Variants in ANKRD18B observed in about 807,000 individuals in gnomAD.
ANKRD18B encodes the protein ankyrin repeat domain 18B, also known as ankyrin repeat domain-containing protein 18B.
In ANKRD18B, 75 loss-of-function variants were observed where a neutral mutation model predicts 111.8. The observed-to-expected ratio is 0.67, with a 90% CI of 0.56 to 0.81. ANKRD18B has a LOEUF of 0.81. Among genes scored for constraint, ANKRD18B ranks in the 40% least tolerant of loss-of-function variants. The pLI is 0.00. For missense variants in ANKRD18B, 1,038 were observed against 1,225.5 expected, an observed-to-expected ratio of 0.85 and a Z score of 2.28; for synonymous variants, 356 against 417.3, an observed-to-expected ratio of 0.85 and a Z score of 1.79.
intron 1 of ANKRD18B, among the ~76,000 whole-genome samples, chr9:33,525,410 G>T (rs1390779370): frequency 6.6e-6 from 1 of 152,140 alleles, no homozygotes; most frequent in Non-Finnish European, 1.5e-5. Context: ...TATACATAGG[G>T]ATTGATAATG....
rs1308776259 is a variant in ANKRD18B at position 33,528,758 on chromosome 9, C to T, written c.238C>T (p.Arg80Cys). The change falls in exon 2 of 19, where the codon CGT (arginine) becomes TGT (cysteine). Residue 80 changes from arginine (R) to cysteine (C), a missense_variant. Physicochemically the swap from Arg to Cys is radical, Grantham distance 180. Coordinates refer to ENST00000684830, the MANE Select transcript of ANKRD18B (RefSeq NM_001393611.1). The part of the protein sequence containing the change: ...TVLHLACAHG[R>C]VQVVTLLLDR... ...TCTACATTTGGCCTGTGCCCATGGC[C>T]GTGTGCAAGTGGTCACTCTCTTGCT... 3 of 1,613,038 alleles carry T rather than the reference C, an allele frequency of 1.9e-6. No homozygotes were observed. The highest frequency in any genetic ancestry group is 1.3e-5 in the African/African-American group (1 of 74,894).
chr9:33,535,479 G>T (rs1340596124), intron 5 of ANKRD18B, among the ~76,000 whole-genome samples: 1 of 151,640 alleles, frequency 6.6e-6, no homozygotes, highest in African/African-American at 2.4e-5. Flanking sequence ...AGTAGAGACG[G>T]GGTTTCACCA....
At chr9:33,566,150 G>A (rs1828679346) in intron 14 of ANKRD18B, 69 bp from the exon 15 acceptor site, 4 of 1,343,972 alleles carry the variant, frequency 3.0e-6, no homozygotes, top group Non-Finnish European at 4.1e-6. Flanking sequence ...TTCAAAATTT[G>A]CTATTGGTTT....
intron 4 of ANKRD18B, among the ~76,000 whole-genome samples, chr9:33,534,126 G>A (rs112862518): frequency 1.5e-3 from 222 of 152,152 alleles, no homozygotes; most frequent in African/African-American, 5.1e-3. Flanking sequence ...TTAGCAATTC[G>A]TATTACATCA....
chr9:33,541,162 A>T lies in ANKRD18B; in HGVS notation c.1013A>T (p.Lys338Met). 6.5e-7 allele frequency: 1 copy of T among 1,544,268 alleles called. No individual in the cohort carries two copies. Residue 338 changes from lysine to methionine, a missense_variant, in exon 9 of 19, where the codon AAG (lysine) becomes ATG (methionine). Lys to Met is a moderately conservative substitution (Grantham distance 95). Around this residue, in one of 4 missense-constraint regions of ANKRD18B, gnomAD observed 93 missense variants for 141.3 expected, o/e 0.66. Coordinates refer to ENST00000684830, the MANE Select transcript of ANKRD18B (RefSeq NM_001393611.1). The stretch of plus-strand genomic sequence containing the variant: ...TGTTTGACAGAAACAGCAGCTATGA[A>T]GCCTGAAAATTTGAAAAAAAGAAAA... ...MRPCPETAAM[K>M]PENLKKRKKR...
intron 14 of ANKRD18B, among the ~76,000 whole-genome samples, chr9:33,564,326 C>A (rs1587276129): frequency 1.3e-5 from 2 of 152,292 alleles, no homozygotes; most frequent in East Asian, 3.9e-4. Context: ...CTGTGTCTGC[C>A]CTTAACATAA....
chr9:33,536,805 A>G (rs1828208139), intron 5 of ANKRD18B, 73 bp from the exon 6 acceptor site: 2 of 993,694 alleles, frequency 2.0e-6, no homozygotes, highest in Non-Finnish European at 2.8e-6. Context: ...ATGCTTTAAG[A>G]ATTTAATCTG....
At chr9:33,529,926 C>A (rs1294913805) in intron 3 of ANKRD18B, among the ~76,000 whole-genome samples, 1 of 152,150 alleles carries the variant, frequency 6.6e-6, no homozygotes, top group Non-Finnish European at 1.5e-5. Context: ...CAAAAACAGC[C>A]ACTTAGATAA....
intron 1 of ANKRD18B, among the ~76,000 whole-genome samples, chr9:33,527,262 T>C (rs1335930562): frequency 2.0e-5 from 3 of 152,206 alleles, no homozygotes; most frequent in Non-Finnish European, 4.4e-5. Flanking sequence ...AAATGAGCCA[T>C]ACCTATTCAT....
intron 17 of ANKRD18B, among the ~76,000 whole-genome samples, chr9:33,570,560 T>C (rs1165026670): frequency 6.6e-6 from 1 of 152,062 alleles, no homozygotes; most frequent in African/African-American, 2.4e-5. Context: ...GGATTAAACT[T>C]TTATAAAGGA....
downstream of ANKRD18B, among the ~76,000 whole-genome samples, chr9:33,573,909 G>C (rs146693312): frequency 0.029 from 4,238 of 145,096 alleles, 351 homozygotes; most frequent in African/African-American, 0.095. Context: ...AGCCTAGTCA[G>C]TGGGGACCTG....
At chr9:33,525,734 T>C (rs1380970843) in intron 1 of ANKRD18B, among the ~76,000 whole-genome samples, 1 of 150,690 alleles carries the variant, frequency 6.6e-6, no homozygotes, top group African/African-American at 2.4e-5. Flanking sequence ...TTGAAAAATA[T>C]TTACTATATA....
At position 33,568,707 on chromosome 9, in the gene ANKRD18B, C is replaced by A. The variant is rs535674618; in HGVS notation, c.2991C>A (p.Leu997=). Residue 997 remains leucine (L), a synonymous_variant, in exon 17 of 19, where the codon CTC becomes CTA. Coordinates refer to ENST00000684830, the MANE Select transcript of ANKRD18B (RefSeq NM_001393611.1). The stretch of plus-strand genomic sequence containing the variant: ...AAATAGCTGTGATCAGCACCAAGCT[C>A]TTTATGGAGAAAGAGCGGATGGAAT... The part of the protein sequence containing the change: ...DKKIAVISTK[L]FMEKERMEYF... 1.3e-6 allele frequency: 2 copies of A among 1,551,006 alleles called. No homozygotes were observed. The highest frequency in any genetic ancestry group is 1.7e-6 in the Non-Finnish European group (2 of 1,146,612).
chr9:33,541,446 T>TTGGAGC (rs1828278254), intron 9 of ANKRD18B, among the ~76,000 whole-genome samples: 1 of 152,182 alleles, frequency 6.6e-6, no homozygotes, highest in Non-Finnish European at 1.5e-5. Flanking sequence ...CTCCTGCCTG[T>TTGGAGC]AATGAGTCAG....
chr9:33,531,186 T>C (rs1828110034), intron 3 of ANKRD18B, among the ~76,000 whole-genome samples: 1 of 152,226 alleles, frequency 6.6e-6, no homozygotes, highest in Non-Finnish European at 1.5e-5. Context: ...GGGAAAATTA[T>C]ATACACATAG....
chr9:33,530,744 A>G (rs1828102565), intron 3 of ANKRD18B, among the ~76,000 whole-genome samples: 1 of 152,226 alleles, frequency 6.6e-6, no homozygotes, highest in Admixed American at 6.5e-5. Context: ...CTGGGAAGTG[A>G]AAGGAAATAT....
chr9:33,524,745 C>T (rs1447869260), intron 1 of ANKRD18B, 50 bp downstream of exon 1: 7 of 1,518,890 alleles, frequency 4.6e-6, no homozygotes, highest in Middle Eastern at 2.3e-4. Context: ...GCCCGGTTTC[C>T]CCGCACCGCC....
intron 5 of ANKRD18B, 47 bp from the exon 6 acceptor site, chr9:33,536,831 T>C: frequency 8.6e-7 from 1 of 1,168,016 alleles, no homozygotes; most frequent in South Asian, 1.6e-5. Flanking sequence ...TAAATATTTT[T>C]CATATCACTA....
In ANKRD18B at chr9:33,544,850, C is replaced by A. The variant is rs574704634; in HGVS notation, c.1149+1595C>A. On this transcript the variant is annotated intron_variant, in intron 10 of 18. Transcript: ENST00000684830. ...GAAAGTCCATCTCAAAAAAAAAATT[C>A]ATTACAAAAAAGTTCAACTGAAGAT... 6.6e-5 allele frequency among the ~76,000 whole-genome samples: 10 copies of A among 152,126 alleles called. No individual in the cohort carries two copies. In the South Asian group the frequency reaches 2.1e-3, roughly 32 times the overall value.
Sources: allele counts gnomAD v4.1 joint callset (sites outside exome capture counted in the v4.1 genomes callset), GRCh38; gene constraint gnomAD v4.1.1; regional missense constraint gnomAD v4.1.1; transcripts MANE v1.5; gene names NCBI Gene and HGNC (gene_info 2026-07-23, HGNC 2026-07-21).